SULF1: variants seen among roughly 807,000 people sequenced by gnomAD.
The protein encoded by SULF1 is extracellular sulfatase Sulf-1.
A neutral mutation model predicts 110.5 loss-of-function variants in SULF1; 46 were observed. The observed-to-expected ratio is 0.42, with a 90% CI of 0.33 to 0.53. SULF1 has a LOEUF of 0.53. SULF1 is among the 20% of genes least tolerant of loss of function. The pLI is 0.12. For missense variants in SULF1, 941 were observed against 1,094.2 expected (o/e 0.86, Z 1.98); for synonymous variants, 371 against 387.1 (o/e 0.96, Z 0.49).
At chr8:69,522,350 C>T (rs550901989) in intron 3 of SULF1, among the ~76,000 whole-genome samples, 5 of 152,180 alleles carry the variant, frequency 3.3e-5, no homozygotes, top group Admixed American at 6.5e-5. Context: ...CAGCCAAAGA[C>T]GAATTCAAGA....
At chr8:69,482,790 AG>A (rs1809561289) in intron 1 of SULF1, among the ~76,000 whole-genome samples, 1 of 152,178 alleles carries the variant, frequency 6.6e-6, no homozygotes, top group East Asian at 1.9e-4. Context: ...ATAAATAAAC[AG>A]CTGATTAGAG....
chr8:69,514,537 A>G (rs554270676), intron 3 of SULF1, among the ~76,000 whole-genome samples: 6 of 152,202 alleles, frequency 3.9e-5, no homozygotes, highest in Middle Eastern at 3.4e-3. Flanking sequence ...TCCTCTGGCC[A>G]CTCTCAAATC....
chr8:69,582,991 T>C (rs1375217940), intron 6 of SULF1, among the ~76,000 whole-genome samples: 2 of 152,202 alleles, frequency 1.3e-5, no homozygotes, highest in Non-Finnish European at 2.9e-5. Context: ...CTGAGTCACC[T>C]GATGTGAGAC....
chr8:69,469,015 G>C (rs1275737535), intron 1 of SULF1, among the ~76,000 whole-genome samples: 1 of 152,182 alleles, frequency 6.6e-6, no homozygotes, highest in Admixed American at 6.5e-5. Flanking sequence ...AACAAGAAAG[G>C]AAGTGTGGAG....
chr8:69,556,311 A>G (rs567740304), intron 3 of SULF1, among the ~76,000 whole-genome samples: 31 of 152,192 alleles, frequency 2.0e-4, no homozygotes, highest in Non-Finnish European at 2.8e-4. Context: ...GTCTCATCCA[A>G]TGAAATGTTA....
chr8:69,633,022 GA>G (rs111362479), intron 19 of SULF1, among the ~76,000 whole-genome samples: 2,411 of 96,810 alleles, frequency 0.025, 58 homozygotes, highest in African/African-American at 0.082. Context: ...CATGTCAGAA[GA>G]AAAAAAAAAA....
At chr8:69,510,803 G>A (rs945750362) in intron 3 of SULF1, among the ~76,000 whole-genome samples, 2 of 152,002 alleles carry the variant, frequency 1.3e-5, no homozygotes, top group African/African-American at 4.8e-5. Flanking sequence ...TTTTAGTAGA[G>A]ATGGGGTTTT....
In SULF1 at chr8:69,633,120, A is replaced by G. The variant is rs77750551; in HGVS notation, c.2284+3441A>G. On this transcript the variant is annotated intron_variant, in intron 19 of 22. Coordinates refer to ENST00000402687, the MANE Select transcript of SULF1 (RefSeq NM_001128205.2). ...AAAAGAGTTTTTAAAAATAGTTTTC[A>G]TATTCTTTGGAGGTCCAAAACATTT... is the stretch of plus-strand genomic sequence containing the variant. 5.7e-3 allele frequency among the ~76,000 whole-genome samples: 863 copies of G among 152,356 alleles called. 8 individuals carry two copies. The highest frequency in any genetic ancestry group is 0.02 in the African/African-American group (817 of 41,588).
intron 22 of SULF1, among the ~76,000 whole-genome samples, chr8:69,654,824 T>G (rs62512195): frequency 0.084 from 12,815 of 152,258 alleles, 1,215 homozygotes; most frequent in African/African-American, 0.23. Context: ...GCAAATGTTT[T>G]AACTGCCCAT....
chr8:69,538,012 G>C (rs1344809437), intron 3 of SULF1, among the ~76,000 whole-genome samples: 8 of 145,376 alleles, frequency 5.5e-5, no homozygotes, highest in Admixed American at 4.9e-4. Context: ...CCAGGCTGTC[G>C]TGCAGTGGCG....
Position 69,628,249 on chromosome 8 carries a change from C to G in SULF1, c.2108+13C>G. ...TTCACCCATTCAAGTAAGTAACTCT[C>G]TGTTTTCCACATTTGCTGGGAGTCA... On this transcript the variant is annotated intron_variant, in intron 18 of 22. Coordinates refer to ENST00000402687, the MANE Select transcript of SULF1 (RefSeq NM_001128205.2). 1 of 1,611,070 alleles carries G rather than the reference C, an allele frequency of 6.2e-7. No homozygotes were observed. The highest frequency in any genetic ancestry group is 8.5e-7 in the Non-Finnish European group (1 of 1,177,468).
chr8:69,538,226 A>T (rs1041189360), intron 3 of SULF1, among the ~76,000 whole-genome samples: 62 of 148,716 alleles, frequency 4.2e-4, no homozygotes, highest in African/African-American at 1.4e-3. Context: ...TTCAAGGAAA[A>T]AGCCTGCTTT....
At chr8:69,636,977 GCTT>G (rs1811086400) in intron 19 of SULF1, among the ~76,000 whole-genome samples, 2 of 152,126 alleles carry the variant, frequency 1.3e-5, no homozygotes, top group Admixed American at 6.5e-5. Flanking sequence ...GTGCTTTAGA[GCTT>G]CTTCTTGTTC....
At chr8:69,604,158 C>T (rs7831877) in intron 12 of SULF1, among the ~76,000 whole-genome samples, 64,610 of 151,976 alleles carry the variant, frequency 0.43, 13,827 homozygotes, top group East Asian at 0.44. Flanking sequence ...GACTCCACAT[C>T]CCCCAAAAAG....
At chr8:69,634,743 GA>G (rs1049380059) in intron 19 of SULF1, among the ~76,000 whole-genome samples, 4 of 150,064 alleles carry the variant, frequency 2.7e-5, no homozygotes, top group Non-Finnish European at 5.9e-5. Flanking sequence ...CTGTCTCAAA[GA>G]AAAAAAAAGA....
At chr8:69,613,959 C>CA (rs35592356) in intron 13 of SULF1, among the ~76,000 whole-genome samples, 8,042 of 146,540 alleles carry the variant, frequency 0.055, 259 homozygotes, top group South Asian at 0.16. Context: ...GAGTTAGCAG[C>CA]AAAAAAAAAA....
intron 22 of SULF1, among the ~76,000 whole-genome samples, chr8:69,651,474 T>A (rs1812341485): frequency 6.6e-6 from 1 of 152,248 alleles, no homozygotes; most frequent in African/African-American, 2.4e-5. Context: ...GTTTCTCTAT[T>A]AAATAAGAGG....
chr8:69,618,558 T>C (rs1313611168), intron 13 of SULF1, among the ~76,000 whole-genome samples: 2 of 152,200 alleles, frequency 1.3e-5, no homozygotes, highest in African/African-American at 2.4e-5. Flanking sequence ...GACCCAATTC[T>C]CAGTGGATGC....
At chr8:69,473,330 G>A (rs377441091) in intron 1 of SULF1, 2 of 152,284 alleles carry the variant, frequency 1.3e-5, no homozygotes, top group Non-Finnish European at 2.9e-5. Context: ...CTGTCGGTGA[G>A]ATTAATACTA....
Sources: allele counts gnomAD v4.1 joint callset (sites outside exome capture counted in the v4.1 genomes callset), GRCh38; gene constraint gnomAD v4.1.1; transcripts MANE v1.5; gene names NCBI Gene and HGNC (gene_info 2026-07-23, HGNC 2026-07-21).